The following EDA variants were observed in gnomAD, a reference collection of about 807,000 sequenced individuals.
EDA encodes the protein ectodysplasin-A.
Under a neutral mutation model 23.6 loss-of-function variants are expected in EDA, and 2 were observed. The observed-to-expected ratio is 0.08, with a 90% CI of 0.03 to 0.27. EDA has a LOEUF of 0.27. Among genes scored for constraint, EDA ranks in the 10% least tolerant of loss-of-function variants. The pLI is 1.00. For missense variants in EDA, 229 were observed against 324.2 expected (o/e 0.71, Z 2.26); for synonymous variants, 131 against 132.0 (o/e 0.99, Z 0.05).
rs778435992 is a variant in EDA, at chrX:69,667,152, C to A, written c.396+50448C>A. Among the ~76,000 whole-genome samples the A allele has an allele frequency of 6.4e-5, 6 of 93,270 alleles. No individual in the cohort carries two copies. The South Asian group carries it at 3.1e-3, about 49-fold the overall frequency. The allele number at this position is 93,270 out of a possible 115,157, so 81.0% of individuals were successfully genotyped here. A position where few individuals can be genotyped will look rare whatever the true frequency, so the allele number is the denominator to read the frequency against. On this transcript the variant is annotated intron_variant, in intron 1 of 7. Transcript: ENST00000374552. Reference sequence around the variant, plus strand: ...TTTTTTTTTGAAATGGAGTCTCGCTCTGTCGCCCAGGCTGGAGTGCAGTGG... The same window carrying A: ...TTTTTTTTTGAAATGGAGTCTCGCTATGTCGCCCAGGCTGGAGTGCAGTGG...
chrX:69,865,802 G>A (rs748827075), intron 1 of EDA, among the ~76,000 whole-genome samples: 5 of 111,731 alleles, frequency 4.5e-5, no homozygotes, highest in South Asian at 3.8e-4. Flanking sequence ...ACTGTCCTTC[G>A]TACAACTGGA....
intron 1 of EDA, among the ~76,000 whole-genome samples, chrX:69,686,961 A>G (rs1934564081): frequency 8.9e-6 from 1 of 111,895 alleles, no homozygotes; most frequent in Admixed American, 9.5e-5. Context: ...TTGCTGGGTC[A>G]TATGGTAACT....
At chrX:69,788,832 T>A (rs1486342151) in intron 1 of EDA, among the ~76,000 whole-genome samples, 26 of 113,254 alleles carry the variant, frequency 2.3e-4, no homozygotes, top group Non-Finnish European at 4.7e-4. Context: ...AGTTCCAGCT[T>A]CCCAGCTGCT....
intron 1 of EDA, among the ~76,000 whole-genome samples, chrX:69,934,328 C>A (rs959191627): frequency 8.9e-6 from 1 of 111,841 alleles, no homozygotes; most frequent in African/African-American, 3.2e-5. Context: ...GTTCTATATG[C>A]AGTGGAGGAA....
At chrX:69,789,335 G>C (rs1432959302) in intron 1 of EDA, among the ~76,000 whole-genome samples, 3 of 112,418 alleles carry the variant, frequency 2.7e-5, no homozygotes, top group Non-Finnish European at 5.6e-5. Context: ...GATGTTTTGT[G>C]AGCAAGGGTA....
intron 1 of EDA, among the ~76,000 whole-genome samples, chrX:69,775,444 A>G (rs1428343516): frequency 8.9e-6 from 1 of 112,020 alleles, no homozygotes; most frequent in East Asian, 2.8e-4. Flanking sequence ...TCAAATATTT[A>G]TATAATGGTG....
Position 69,647,887 on chromosome X carries a change from A to G in EDA, c.396+31183A>G, listed in dbSNP as rs1932972835. 3.6e-5 allele frequency among the ~76,000 whole-genome samples: 4 copies of G among 110,287 alleles called. No homozygotes were observed. In the Admixed American group the frequency reaches 3.9e-4, roughly 11 times the overall value. On this transcript the variant is annotated intron_variant, in intron 1 of 7. Coordinates refer to ENST00000374552, the MANE Select transcript of EDA (RefSeq NM_001399.5). ...TAGATTTTTGTGGGGTTTTTTGTTG[A>G]TGTTGTTATTGTTGTTGTTTTCTGT...
At chrX:69,688,567 A>C (rs1221580429) in intron 1 of EDA, among the ~76,000 whole-genome samples, 1 of 110,302 alleles carries the variant, frequency 9.1e-6, no homozygotes, top group Non-Finnish European at 1.9e-5. Flanking sequence ...TGCCCAGCTA[A>C]TTTTTGTATT....
intron 1 of EDA, among the ~76,000 whole-genome samples, chrX:69,774,654 G>T (rs775098312): frequency 8.9e-6 from 1 of 111,914 alleles, no homozygotes; most frequent in Admixed American, 9.5e-5. Context: ...CTGTCATATT[G>T]TTTTAAATTG....
At chrX:69,979,252 G>A (rs185914130) in intron 2 of EDA, among the ~76,000 whole-genome samples, 1 of 112,218 alleles carries the variant, frequency 8.9e-6, no homozygotes, top group African/African-American at 3.2e-5. Context: ...TTTTGTGGAT[G>A]AATCATATTC....
intron 1 of EDA, among the ~76,000 whole-genome samples, chrX:69,627,072 C>G (rs954759240): frequency 1.8e-5 from 2 of 111,081 alleles, no homozygotes; most frequent in Non-Finnish European, 3.8e-5. Context: ...GGAGTCTAGT[C>G]GTATATAATT....
At chrX:69,759,238 T>C (rs949141499) in intron 1 of EDA, among the ~76,000 whole-genome samples, 11 of 112,237 alleles carry the variant, frequency 9.8e-5, no homozygotes, top group African/African-American at 3.6e-4. Flanking sequence ...TTCTGTATAG[T>C]AGGAGTGAAT....
intron 1 of EDA, among the ~76,000 whole-genome samples, chrX:69,894,308 G>T (rs2017976338): frequency 9.0e-6 from 1 of 111,704 alleles, no homozygotes; most frequent in African/African-American, 3.3e-5. Context: ...GGTTACTGGA[G>T]ACTTGCAGTA....
intron 1 of EDA, among the ~76,000 whole-genome samples, chrX:69,812,306 A>G (rs982478283): frequency 8.9e-6 from 1 of 112,317 alleles, no homozygotes; most frequent in Non-Finnish European, 1.9e-5. Context: ...CTTTAATGCT[A>G]TGCTTTATTT....
At chrX:69,852,420 A>G (rs2017156843) in intron 1 of EDA, among the ~76,000 whole-genome samples, 1 of 112,018 alleles carries the variant, frequency 8.9e-6, no homozygotes, top group African/African-American at 3.2e-5. Flanking sequence ...TTTTAAGTAC[A>G]TGGTTGAACT....
intron 2 of EDA, among the ~76,000 whole-genome samples, chrX:70,017,578 A>G (rs1282085290): frequency 2.7e-5 from 3 of 112,337 alleles, no homozygotes; most frequent in Non-Finnish European, 5.6e-5. Context: ...TTCACCACCT[A>G]AACAAAACTA....
intron 2 of EDA, among the ~76,000 whole-genome samples, chrX:70,017,330 G>A (rs916321912): frequency 1.8e-5 from 2 of 112,066 alleles, no homozygotes; most frequent in African/African-American, 6.5e-5. Flanking sequence ...AAAAAGTTGA[G>A]GAGGAGGGGC....
intron 2 of EDA, chrX:69,957,335 T>A: frequency 2.5e-6 from 1 of 394,183 alleles, no homozygotes; most frequent in Admixed American, 4.3e-5. Flanking sequence ...CTACTAAAAA[T>A]ACAAAAAAAA....
intron 1 of EDA, among the ~76,000 whole-genome samples, chrX:69,743,623 C>G (rs766741857): frequency 1.2e-4 from 13 of 111,597 alleles, no homozygotes; most frequent in Non-Finnish European, 2.4e-4. Context: ...TCCTCCTCCA[C>G]CATCATCCAA....
Sources: allele counts gnomAD v4.1 joint callset (sites outside exome capture counted in the v4.1 genomes callset), GRCh38; gene constraint gnomAD v4.1.1; transcripts MANE v1.5; gene names NCBI Gene and HGNC (gene_info 2026-07-23, HGNC 2026-07-21).